The following ACSM3 variants were observed in gnomAD, a reference collection of about 807,000 sequenced individuals.
ACSM3 encodes the protein acyl-CoA synthetase medium chain family member 3.
A neutral mutation model predicts 74.1 loss-of-function variants in ACSM3; 61 were observed. The observed-to-expected ratio is 0.82, with a 90% confidence interval of 0.67 to 1.02. The LOEUF is 1.02. Ranked by LOEUF, ACSM3 falls within the 50% of genes least tolerant of loss-of-function variation. The probability of loss-of-function intolerance (pLI) is 0.00; values close to 1 mark genes in which losing one functional copy is unlikely to be tolerated. For missense variants in ACSM3, 660 were observed against 697.0 expected (o/e 0.95, Z 0.60); for synonymous variants, 213 against 241.5 (o/e 0.88, Z 1.09).
chr16:20,728,234 G>A (rs1462180416), intron 1 of ACSM3: 2 of 385,442 alleles, frequency 5.2e-6, no homozygotes, highest in Non-Finnish European at 9.9e-6. Context: ...GCTTCACTAT[G>A]ATGTCCAGGT....
chr16:20,758,234 G>A (rs533176185), intron 3 of ACSM3, among the ~76,000 whole-genome samples: 1 of 152,302 alleles, frequency 6.6e-6, no homozygotes, highest in African/African-American at 2.4e-5. Context: ...TGTACCTCTG[G>A]TAGAATTCGG....
upstream of ACSM3, among the ~76,000 whole-genome samples, chr16:20,761,785 G>A (rs2080078941): frequency 6.6e-6 from 1 of 152,214 alleles, no homozygotes; most frequent in African/African-American, 2.4e-5. Flanking sequence ...CTGGGCAAGT[G>A]TGCTCAAGCA....
intron 1 of ACSM3, among the ~76,000 whole-genome samples, chr16:20,746,378 T>C (rs1478384431): frequency 1.3e-5 from 2 of 152,372 alleles, no homozygotes; most frequent in South Asian, 2.1e-4. Context: ...TTCTTTTATA[T>C]TTTTGGTTTA....
intron 1 of ACSM3, chr16:20,741,476 A>T: frequency 1.4e-6 from 2 of 1,388,836 alleles, no homozygotes; most frequent in Non-Finnish European, 9.5e-7. Context: ...AAGGCCTGGC[A>T]GCCGGCCCGC....
At chr16:20,752,839 A>G (rs980749066) in intron 2 of ACSM3, among the ~76,000 whole-genome samples, 1 of 152,248 alleles carries the variant, frequency 6.6e-6, no homozygotes, top group Non-Finnish European at 1.5e-5. Flanking sequence ...ATGATTCTCC[A>G]GATGTGATGC....
chr16:20,789,393 T>C (rs2080543650), intron 9 of ACSM3: 9 of 979,880 alleles, frequency 9.2e-6, no homozygotes, highest in Non-Finnish European at 1.5e-5. Context: ...TATTAAGTAC[T>C]TAATAAATGC....
chr16:20,691,373 A>G, intron 1 of ACSM3: 1 of 518,944 alleles, frequency 1.9e-6, no homozygotes, highest in South Asian at 3.2e-5. Flanking sequence ...CCCCTGATTG[A>G]TTTTGGTGGG....
chr16:20,704,224 C>A (rs1213359699), intron 1 of ACSM3, among the ~76,000 whole-genome samples: 1 of 152,126 alleles, frequency 6.6e-6, no homozygotes, highest in Non-Finnish European at 1.5e-5. Context: ...TTGTTTCAGG[C>A]ACTGTTTCCA....
chr16:20,770,072 C>T lies in ACSM3; in HGVS notation c.38C>T (p.Ala13Val), dbSNP rs1268026837. The change falls in exon 2 of 14, where the codon GCC (alanine) becomes GTC (valine). Residue 13 changes from alanine (A) to valine (V), a missense_variant. Ala to Val is a moderately conservative substitution (Grantham distance 64). Transcript: ENST00000289416. The part of the protein sequence containing the change: ...ARVTRKMLRH[A>V]KCFQRLAIFG... Reference sequence around the variant, plus strand: ...GTCACCAGGAAGATGCTACGTCATGCCAAGTGTTTTCAGCGCCTAGCAATT... The same window carrying T: ...GTCACCAGGAAGATGCTACGTCATGTCAAGTGTTTTCAGCGCCTAGCAATT... The T allele has an allele frequency of 1.9e-6, 3 of 1,614,128 alleles. No homozygotes were observed. Among genetic ancestry groups the T allele is most frequent in the Non-Finnish European group, 2.5e-6 (3 of 1,180,016 alleles).
At chr16:20,683,715 CTCTTTCTT>C (rs55684501) in intron 1 of ACSM3, among the ~76,000 whole-genome samples, 47 of 136,384 alleles carry the variant, frequency 3.4e-4, no homozygotes, top group Non-Finnish European at 6.0e-4. Flanking sequence ...CTCTCTCTCT[CTCTTTCTT>C]TCTTTCTTTC....
At chr16:20,728,727 T>C (rs1023728990) in intron 1 of ACSM3, among the ~76,000 whole-genome samples, 1 of 149,546 alleles carries the variant, frequency 6.7e-6, no homozygotes, top group African/African-American at 2.4e-5. Flanking sequence ...GGGGGTGCAG[T>C]TGGGGGGTGC....
chr16:20,679,273 C>G (rs1360723283), intron 1 of ACSM3: 1 of 152,266 alleles, frequency 6.6e-6, no homozygotes, highest in Non-Finnish European at 1.5e-5. Context: ...CCCGAATAGA[C>G]CTACGGCGAA....
At chr16:20,739,009 G>A in intron 1 of ACSM3, 1 of 1,614,114 alleles carries the variant, frequency 6.2e-7, no homozygotes, top group Non-Finnish European at 8.5e-7. Flanking sequence ...CTTTCTTCAA[G>A]GCAGCCTCCG....
intron 1 of ACSM3, among the ~76,000 whole-genome samples, chr16:20,692,654 A>G (rs2079664988): frequency 6.6e-6 from 1 of 152,208 alleles, no homozygotes; most frequent in Admixed American, 6.5e-5. Context: ...TTCTTTATAG[A>G]ATGTGGATTT....
intron 1 of ACSM3, among the ~76,000 whole-genome samples, chr16:20,676,625 A>C (rs182378268): frequency 3.3e-5 from 5 of 152,280 alleles, no homozygotes; most frequent in Admixed American, 2.0e-4. Flanking sequence ...AAAGCTGATC[A>C]GAGGCTTAAC....
intron 12 of ACSM3, 131 bp downstream of exon 12, chr16:20,792,466 C>A: frequency 6.6e-7 from 1 of 1,514,006 alleles, no homozygotes; most frequent in Non-Finnish European, 8.9e-7. Context: ...TAGAAATATG[C>A]TAGTCAGAAA....
chr16:20,690,988 A>T lies in ACSM3; in HGVS notation c.-190+16166A>T, dbSNP rs116005516. 2.1e-3 allele frequency: 3,444 copies of T among 1,605,584 alleles called. 62 individuals carry two copies. The African/African-American group carries it at 0.04, about 19-fold the overall frequency. On this transcript the variant is annotated intron_variant, in intron 1 of 3. Transcript: ENST00000561584. ...TGTTCTTATATCGCCATCACGGCAGATCTCTTACCTTCTCCTTTTGAGCCC... is the reference window on the plus strand; with the variant it reads ...TGTTCTTATATCGCCATCACGGCAGTTCTCTTACCTTCTCCTTTTGAGCCC...
In ACSM3 at chr16:20,777,449, C is replaced by T. The variant is rs754768789; in HGVS notation, c.507C>T (p.Asn169=). The change falls in exon 4 of 14, where the codon AAC becomes AAT. Residue 169 remains asparagine (N), a synonymous_variant. Transcript: ENST00000289416. ...ILYRLQSSKA[N]CIITNDVLAP... ...ACAGACTACAATCTTCAAAAGCAAA[C>T]TGCATTATCACCAATGATGTTTTAG... is the stretch of plus-strand genomic sequence containing the variant. The T allele has an allele frequency of 6.2e-7, 1 of 1,614,080 alleles. No individual in the cohort carries two copies. Among genetic ancestry groups the T allele is most frequent in the Non-Finnish European group, 8.5e-7 (1 of 1,179,982 alleles).
intron 1 of ACSM3, among the ~76,000 whole-genome samples, chr16:20,678,248 C>T (rs2079353395): frequency 6.6e-6 from 1 of 151,814 alleles, no homozygotes; most frequent in Non-Finnish European, 1.5e-5. Context: ...AACGGTGGCC[C>T]CCAGATTTGT....
Sources: gnomAD v4.1 joint callset for allele counts (sites outside exome capture counted in the v4.1 genomes callset) on GRCh38, gnomAD v4.1.1 for gene constraint, MANE v1.5 for transcripts, NCBI Gene and HGNC (gene_info 2026-07-23, HGNC 2026-07-21) for gene names.